Variants in TTC28 observed in about 807,000 individuals in gnomAD.
TTC28 encodes the protein tetratricopeptide repeat protein 28.
A neutral mutation model predicts 198.0 loss-of-function variants in TTC28; 61 were observed. That is an observed-to-expected ratio of 0.31 (90% CI 0.25 to 0.38). TTC28 has a LOEUF of 0.38. TTC28 is among the 10% of genes least tolerant of loss of function. The pLI is 1.00. For missense variants in TTC28, 2,678 were observed against 3,164.0 expected (o/e 0.85, Z 3.69); for synonymous variants, 1,171 against 1,297.8 (o/e 0.90, Z 2.10).
intron 2 of TTC28, among the ~76,000 whole-genome samples, chr22:28,478,273 C>A (rs899120152): frequency 1.3e-5 from 2 of 152,034 alleles, no homozygotes; most frequent in African/African-American, 4.8e-5. Flanking sequence ...TTTGGAAGGC[C>A]GAGGCAAGCG....
intron 2 of TTC28, among the ~76,000 whole-genome samples, chr22:28,470,822 A>G (rs1016368299): frequency 2.6e-5 from 4 of 152,204 alleles, no homozygotes; most frequent in African/African-American, 9.7e-5. Context: ...AGGTTTTAGC[A>G]GGTGAAGAAC....
At chr22:28,417,871 G>A (rs2047191161) in intron 2 of TTC28, among the ~76,000 whole-genome samples, 1 of 152,146 alleles carries the variant, frequency 6.6e-6, no homozygotes, top group Admixed American at 6.5e-5. Flanking sequence ...AGCAATTACT[G>A]TGGCTTTGAA....
chr22:28,377,347 A>C (rs2046428394), intron 2 of TTC28, among the ~76,000 whole-genome samples: 1 of 149,720 alleles, frequency 6.7e-6, no homozygotes. Context: ...TCCCTAGTTG[A>C]GATTACAGGC....
At chr22:28,478,907 C>T (rs2048204595) in intron 2 of TTC28, among the ~76,000 whole-genome samples, 1 of 152,194 alleles carries the variant, frequency 6.6e-6, no homozygotes, top group Non-Finnish European at 1.5e-5. Flanking sequence ...CATTTATTGT[C>T]TTCTCAGGAC....
intron 2 of TTC28, among the ~76,000 whole-genome samples, chr22:28,332,304 T>C (rs1431867580): frequency 1.3e-5 from 2 of 152,020 alleles, no homozygotes; most frequent in Non-Finnish European, 2.9e-5. Flanking sequence ...CCCTAATTAA[T>C]ATCTTATGTA....
chr22:28,259,885 A>C (rs1055819011), intron 5 of TTC28, among the ~76,000 whole-genome samples: 7 of 152,178 alleles, frequency 4.6e-5, no homozygotes, highest in African/African-American at 1.4e-4. Flanking sequence ...CAAGGAGAGG[A>C]GGAAAAGGAC....
At chr22:28,031,117 A>C (rs1249121890) in intron 12 of TTC28, among the ~76,000 whole-genome samples, 2 of 152,244 alleles carry the variant, frequency 1.3e-5, no homozygotes, top group Non-Finnish European at 2.9e-5. Context: ...AGCATGATTA[A>C]AATGGCAAAA....
chr22:28,247,318 G>A lies in TTC28; in HGVS notation c.933+48880C>T, dbSNP rs138852294. 4.3e-4 allele frequency among the ~76,000 whole-genome samples: 66 copies of A among 152,312 alleles called. 2 individuals are homozygous for A. The highest frequency in any genetic ancestry group is 2.9e-3 in the South Asian group (14 of 4,822). On this transcript the variant is annotated intron_variant, in intron 5 of 22. Transcript: ENST00000397906. The stretch of plus-strand genomic sequence containing the variant: ...TCTTCAGCATGAACTTTCTCATGGT[G>A]TGGGTGTGTAAGTCACTGGGATAAG...
At chr22:28,057,409 T>C (rs1166977324) in intron 12 of TTC28, among the ~76,000 whole-genome samples, 1 of 152,190 alleles carries the variant, frequency 6.6e-6, no homozygotes, top group African/African-American at 2.4e-5. Flanking sequence ...TATTTTTTGA[T>C]GTGCACACTC....
At chr22:28,433,125 A>C (rs546742255) in intron 2 of TTC28, among the ~76,000 whole-genome samples, 1 of 152,324 alleles carries the variant, frequency 6.6e-6, no homozygotes, top group African/African-American at 2.4e-5. Context: ...TTACTATCAA[A>C]TTTGCATTTT....
rs563844633 is a variant in TTC28, at chr22:28,491,622, G to C, written c.381+137930C>G. Among the ~76,000 whole-genome samples the C allele has an allele frequency of 1.6e-4, 25 of 152,318 alleles. No individual in the cohort carries two copies. In the East Asian group the frequency reaches 2.7e-3, roughly 16 times the overall value. On this transcript the variant is annotated intron_variant, in intron 2 of 22. Coordinates refer to ENST00000397906, the MANE Select transcript of TTC28 (RefSeq NM_001145418.2). ...AAGTCAGGAAACAACAGGTGCTGGA[G>C]AGGATGTGGAGAAACAGGAACACTT...
chr22:28,612,906 C>T (rs1437998035), intron 2 of TTC28, among the ~76,000 whole-genome samples: 1 of 152,052 alleles, frequency 6.6e-6, no homozygotes, highest in Non-Finnish European at 1.5e-5. Flanking sequence ...GACACTCTAA[C>T]GTCACAATTA....
intron 5 of TTC28, among the ~76,000 whole-genome samples, chr22:28,191,292 A>G (rs559535110): frequency 6.6e-6 from 1 of 152,364 alleles, no homozygotes; most frequent in African/African-American, 2.4e-5. Flanking sequence ...ATAGAGATGA[A>G]AACAATTGGT....
intron 5 of TTC28, among the ~76,000 whole-genome samples, chr22:28,254,750 A>T (rs147664632): frequency 6.6e-6 from 1 of 152,208 alleles, no homozygotes; most frequent in African/African-American, 2.4e-5. Context: ...TATGAGACCC[A>T]AAAGAGTAGT....
At chr22:28,216,819 A>G (rs1009449011) in intron 5 of TTC28, among the ~76,000 whole-genome samples, 2 of 152,086 alleles carry the variant, frequency 1.3e-5, no homozygotes, top group African/African-American at 4.8e-5. Flanking sequence ...TCTCCCAGGC[A>G]CAAGTGATCC....
At chr22:28,137,382 C>G (rs1355585228) in intron 6 of TTC28, among the ~76,000 whole-genome samples, 1 of 152,164 alleles carries the variant, frequency 6.6e-6, no homozygotes, top group Non-Finnish European at 1.5e-5. Context: ...ACTGACCTCT[C>G]TCTCTCTGCC....
chr22:28,420,772 G>A (rs1437257714), intron 2 of TTC28, among the ~76,000 whole-genome samples: 2 of 151,856 alleles, frequency 1.3e-5, no homozygotes, highest in African/African-American at 4.8e-5. Flanking sequence ...GCTAATTTTT[G>A]TATTTTTTAA....
At chr22:28,462,198 G>A (rs759613365) in intron 2 of TTC28, among the ~76,000 whole-genome samples, 17 of 152,100 alleles carry the variant, frequency 1.1e-4, no homozygotes, top group Admixed American at 2.6e-4. Context: ...ACCTCCCTTT[G>A]AGGTGAGTAT....
chr22:28,626,772 A>T (rs1337782564), intron 2 of TTC28, among the ~76,000 whole-genome samples: 1 of 152,084 alleles, frequency 6.6e-6, no homozygotes, highest in Non-Finnish European at 1.5e-5. Context: ...CCAAATATAG[A>T]ACTAAAATAT....
Sources: gnomAD v4.1 joint callset for allele counts (sites outside exome capture counted in the v4.1 genomes callset) on GRCh38, gnomAD v4.1.1 for gene constraint, MANE v1.5 for transcripts, NCBI Gene and HGNC (gene_info 2026-07-23, HGNC 2026-07-21) for gene names.